OPA3: variants seen among roughly 807,000 people sequenced by gnomAD.
OPA3 encodes outer mitochondrial membrane lipid metabolism regulator OPA3.
Under a neutral mutation model 4.0 loss-of-function variants are expected in OPA3, and 6 were observed. The observed-to-expected ratio is 1.51, with a 90% CI of 0.83 to 2.99. The LOEUF is 2.99. OPA3 is among the 30% of genes most tolerant of loss of function. The pLI is 0.00. For synonymous variants in OPA3, 105 were observed against 117.1 expected (o/e 0.90, Z 0.67); for missense variants, 235 against 256.2 (o/e 0.92, Z 0.56).
chr19:45,533,056 T>TA (rs34018646), intron 1 of OPA3, among the ~76,000 whole-genome samples: 114,626 of 151,002 alleles, frequency 0.76, 43,720 homozygotes, highest in South Asian at 0.83. Context: ...CATGCCCGGA[T>TA]ATTTTTGTAT....
chr19:45,579,583 A>G (rs1969816674), intron 1 of OPA3, among the ~76,000 whole-genome samples: 1 of 152,190 alleles, frequency 6.6e-6, no homozygotes, highest in African/African-American at 2.4e-5. Context: ...TGAGGGCAAG[A>G]TGTTTTGCTT....
downstream of OPA3, among the ~76,000 whole-genome samples, chr19:45,544,513 G>A (rs1011296695): frequency 4.6e-5 from 7 of 151,856 alleles, no homozygotes; most frequent in African/African-American, 1.5e-4. Context: ...TACAAAATTC[G>A]GCTGGGCACA....
At chr19:45,537,408 A>AAAAAAAAAAAAAC in intron 1 of OPA3, among the ~76,000 whole-genome samples, 1 of 143,558 alleles carries the variant, frequency 7.0e-6, no homozygotes, top group African/African-American at 2.7e-5. Flanking sequence ...AAAAAAAAAA[A>AAAAAAAAAAAAAC]AAAAAAAAAA....
intron 1 of OPA3, chr19:45,529,482 G>T: frequency 1.2e-6 from 2 of 1,610,806 alleles, no homozygotes; most frequent in Non-Finnish European, 1.7e-6. Flanking sequence ...GGAGTCAGGG[G>T]TCTTTTGCAG....
At chr19:45,569,663 G>C (rs963308418) in intron 1 of OPA3, among the ~76,000 whole-genome samples, 22 of 151,970 alleles carry the variant, frequency 1.4e-4, no homozygotes, top group Non-Finnish European at 2.9e-5. Context: ...GAGTTTCCTG[G>C]GGGCTTCTGG....
At chr19:45,542,140 G>A (rs796740752), downstream of OPA3, among the ~76,000 whole-genome samples, 20 of 152,252 alleles carry the variant, frequency 1.3e-4, no homozygotes, top group African/African-American at 4.8e-4. Flanking sequence ...AAGTGAAGCC[G>A]GCTACTTCCA....
chr19:45,542,072 TAGTTAGGTGC>T (rs1057441568), downstream of OPA3, among the ~76,000 whole-genome samples: 4 of 152,176 alleles, frequency 2.6e-5, no homozygotes, highest in East Asian at 1.9e-4. Flanking sequence ...CCAGGGACTA[TAGTTAGGTGC>T]AGTTAGGTGT....
rs1969366638 is a variant in OPA3, at chr19:45,553,451, C to T, written c.*63G>A. 1.2e-6 allele frequency: 2 copies of T among 1,605,460 alleles called. No homozygotes were observed. Among genetic ancestry groups the T allele is most frequent in the African/African-American group, 1.3e-5 (1 of 74,892 alleles). On this transcript the variant is annotated 3_prime_UTR_variant, in exon 2 of 2. Transcript: ENST00000263275. ...TGGGCCAGCGCAGGCAAGGGTGGTGCGGGAAGAAGGCCACGTTAGGTACAT... is the reference window on the plus strand; with the variant it reads ...TGGGCCAGCGCAGGCAAGGGTGGTGTGGGAAGAAGGCCACGTTAGGTACAT...
At chr19:45,570,817 T>C (rs1180749222) in intron 1 of OPA3, among the ~76,000 whole-genome samples, 2 of 150,228 alleles carry the variant, frequency 1.3e-5, no homozygotes, top group Admixed American at 1.3e-4. Flanking sequence ...GAGCCGAGAT[T>C]GTGCCACTAC....
rs1969335650 is a variant in OPA3 at position 45,551,735 on chromosome 19, G to C, written c.*1779C>G. The C allele has an allele frequency of 1.0e-6, 1 of 985,438 alleles. No individual in the cohort carries two copies. The highest frequency in any genetic ancestry group is 1.1e-4 in the East Asian group (1 of 8,832). 61.0% of individuals were successfully genotyped at this position (985,438 alleles called of 1,614,324 possible). On this transcript the variant is annotated 3_prime_UTR_variant, in exon 2 of 2. Transcript: ENST00000263275. ...ACTGCTGGCCTAATTGGTAGGATGG[G>C]GGTGGGACCGGGGGCTATGGAGGCA...
At chr19:45,559,353 T>TTTTC (rs1033667235) in intron 1 of OPA3, among the ~76,000 whole-genome samples, 1 of 151,504 alleles carries the variant, frequency 6.6e-6, no homozygotes, top group Non-Finnish European at 1.5e-5. Context: ...CTTTCTTTTC[T>TTTTC]TTTCTTTCTT....
intron 1 of OPA3, among the ~76,000 whole-genome samples, chr19:45,578,598 C>A (rs985443286): frequency 1.1e-4 from 16 of 152,086 alleles, no homozygotes; most frequent in African/African-American, 2.9e-4. Context: ...GAGGCCAAGG[C>A]GGGCAGATCT....
intron 1 of OPA3, among the ~76,000 whole-genome samples, chr19:45,580,842 TC>T: frequency 6.6e-6 from 1 of 151,758 alleles, no homozygotes; most frequent in Non-Finnish European, 1.5e-5. Flanking sequence ...GGTCTTGAAC[TC>T]CTGACCTCAT....
In OPA3 at chr19:45,553,767, C is replaced by T. The variant is rs1458106621; in HGVS notation, c.287G>A (p.Cys96Tyr). 1 of 1,612,542 alleles carries T rather than the reference C, an allele frequency of 6.2e-7. No individual in the cohort carries two copies. The highest frequency in any genetic ancestry group is 8.5e-7 in the Non-Finnish European group (1 of 1,179,830). Residue 96 changes from cysteine (C) to tyrosine (Y), a missense_variant, in exon 2 of 2, where the codon TGC becomes TAC. Physicochemically the swap from Cys to Tyr is radical, Grantham distance 194. Coordinates refer to ENST00000263275, the MANE Select transcript of OPA3 (RefSeq NM_025136.4). ...EATIFIVGGG[C>Y]LVLEYWRHQA... is the part of the protein sequence containing the mutation. Reference sequence around the variant, plus strand: ...GTGGCGCCAGTACTCCAGCACTAGGCAGCCGCCGCCCACGATGAAGATGGT... The same window carrying T: ...GTGGCGCCAGTACTCCAGCACTAGGTAGCCGCCGCCCACGATGAAGATGGT...
intron 1 of OPA3, among the ~76,000 whole-genome samples, chr19:45,554,152 T>C (rs1183102380): frequency 1.3e-5 from 2 of 152,186 alleles, no homozygotes; most frequent in African/African-American, 4.8e-5. Context: ...ATGGACGGTG[T>C]AAAGGTCCAG....
intron 1 of OPA3, among the ~76,000 whole-genome samples, chr19:45,579,879 G>A (rs573544225): frequency 1.3e-5 from 2 of 152,080 alleles, no homozygotes; most frequent in African/African-American, 4.8e-5. Flanking sequence ...AATACCCAAT[G>A]TACAGAATCG....
At chr19:45,580,350 A>G (rs1460462937) in intron 1 of OPA3, among the ~76,000 whole-genome samples, 24 of 117,272 alleles carry the variant, frequency 2.0e-4, no homozygotes, top group Middle Eastern at 7.2e-3. Flanking sequence ...CTGGAGTGCA[A>G]TGGCGTGATC....
At chr19:45,584,129 T>C (rs532279018) in intron 1 of OPA3, among the ~76,000 whole-genome samples, 11 of 152,182 alleles carry the variant, frequency 7.2e-5, no homozygotes, top group Middle Eastern at 3.4e-3. Context: ...TCCAGACTTA[T>C]TGACTACAGT....
At position 45,552,268 on chromosome 19, in the gene OPA3, C is replaced by T. The variant is rs191683025; in HGVS notation, c.*1246G>A. 1.1e-4 allele frequency: 99 copies of T among 941,110 alleles called. No homozygotes were observed. Among genetic ancestry groups the T allele is most frequent in the African/African-American group, 3.2e-4 (18 of 56,420 alleles). The allele number at this position is 941,110 out of a possible 1,614,324, so 58.3% of individuals were successfully genotyped here. On this transcript the variant is annotated 3_prime_UTR_variant, in exon 2 of 2. Coordinates refer to ENST00000263275, the MANE Select transcript of OPA3 (RefSeq NM_025136.4). ...CGTTACCCAGGCTGGCATGCAATTGCGCAATCTCGGCTCACTGCAACCTCT... is the reference window on the plus strand; with the variant it reads ...CGTTACCCAGGCTGGCATGCAATTGTGCAATCTCGGCTCACTGCAACCTCT...
Sources: allele counts gnomAD v4.1 joint callset (sites outside exome capture counted in the v4.1 genomes callset), GRCh38; gene constraint gnomAD v4.1.1; transcripts MANE v1.5; gene names NCBI Gene and HGNC (gene_info 2026-07-23, HGNC 2026-07-21).